The following YLPM1 variants were observed in gnomAD, a reference collection of about 807,000 sequenced individuals.
YLPM1 encodes the protein YLP motif containing 1, also known as YLP motif-containing protein 1.
Under a neutral mutation model 230.0 loss-of-function variants are expected in YLPM1, and 99 were observed. The ratio of observed to expected loss-of-function variants is 0.43; its 90% CI spans 0.37 to 0.51. The LOEUF is 0.51. Among genes scored for constraint, YLPM1 ranks in the 20% least tolerant of loss-of-function variants. The probability of loss-of-function intolerance (pLI) is 0.00; values close to 1 mark genes in which losing one functional copy is unlikely to be tolerated. For missense variants in YLPM1, 2,592 were observed against 2,707.7 expected (o/e 0.96, Z 0.95); for synonymous variants, 984 against 942.5 (o/e 1.04, Z -0.81).
chr14:74,822,867 T>C (rs1008634468), intron 17 of YLPM1, among the ~76,000 whole-genome samples: 13 of 152,106 alleles, frequency 8.5e-5, no homozygotes, highest in Non-Finnish European at 1.5e-5. Context: ...TAGGGGATCA[T>C]TGGTATGATA....
At chr14:74,783,382 C>T (rs1206146324) in intron 4 of YLPM1, among the ~76,000 whole-genome samples, 1 of 152,160 alleles carries the variant, frequency 6.6e-6, no homozygotes, top group Non-Finnish European at 1.5e-5. Context: ...CCACCACGCT[C>T]AGCCAGAAAA....
chr14:74,778,838 ATTTG>A (rs1048657978), intron 2 of YLPM1, among the ~76,000 whole-genome samples, 155 bp downstream of exon 2: 10 of 151,696 alleles, frequency 6.6e-5, no homozygotes, highest in Admixed American at 2.0e-4. Flanking sequence ...TATCAGGTTT[ATTTG>A]TTTGTTTATT....
At chr14:74,772,970 T>C (rs1297069142) in intron 1 of YLPM1, among the ~76,000 whole-genome samples, 2 of 152,200 alleles carry the variant, frequency 1.3e-5, no homozygotes, top group Non-Finnish European at 1.5e-5. Context: ...TTACTACTTA[T>C]AGGGTTCATA....
rs766659457 is a variant in YLPM1 at position 74,809,553 on chromosome 14, A to G, written c.4695A>G (p.Gln1565=). The change falls in exon 7 of 21, where the codon CAA becomes CAG. Residue 1565 remains glutamine (Q), a synonymous_variant. Coordinates refer to ENST00000325680, the MANE Select transcript of YLPM1 (RefSeq NM_019589.3). The part of the protein sequence containing the change: ...LPPPPPVIKP[Q]TSAVEQERWD... ...CTCCTCCTCCAGTGATAAAGCCACA[A>G]ACTTCAGCTGTAGAACAGGAACGAT... The G allele has an allele frequency of 6.2e-7, 1 of 1,604,118 alleles. No homozygotes were observed. The highest frequency in any genetic ancestry group is 1.3e-5 in the African/African-American group (1 of 74,808).
At position 74,804,368 on chromosome 14, in the gene YLPM1, G is replaced by C. The variant is rs144809007; in HGVS notation, c.4521+1692G>C. 4.4e-3 allele frequency among the ~76,000 whole-genome samples: 663 copies of C among 152,242 alleles called. 4 individuals are homozygous for C. The highest frequency in any genetic ancestry group is 9.7e-3 in the Admixed American group (148 of 15,288). On this transcript the variant is annotated intron_variant, in intron 6 of 20. Transcript: ENST00000325680. ...TTCAGGATGAAATTTAGAATCTCTT[G>C]CATGACTTTCTTGTTCTTCCTGAGC...
chr14:74,797,892 A>C lies in YLPM1; in HGVS notation c.2595A>C (p.Pro865=), dbSNP rs557213350. The part of the protein sequence containing the change: ...QAEPLSGNKE[P]LADTSSNQQK... ...AACCTCTTTCAGGAAACAAAGAACC[A>C]TTAGCAGACACCAGTAGTAACCAGC... Residue 865 remains proline, a synonymous_variant, in exon 5 of 21, where the codon CCA becomes CCC. Coordinates refer to ENST00000325680, the MANE Select transcript of YLPM1 (RefSeq NM_019589.3). The C allele has an allele frequency of 6.2e-7, 1 of 1,613,978 alleles. No individual in the cohort carries two copies. Among genetic ancestry groups the C allele is most frequent in the Non-Finnish European group, 8.5e-7 (1 of 1,179,890 alleles).
chr14:74,811,779 T>G, intron 10 of YLPM1, 41 bp downstream of exon 10: 2 of 1,349,840 alleles, frequency 1.5e-6, no homozygotes, highest in Non-Finnish European at 2.0e-6. Flanking sequence ...GTTGAGAATG[T>G]AAAGCATGGG....
At chr14:74,829,186 T>C in intron 18 of YLPM1, 27 bp from the exon 19 acceptor site, 1 of 1,611,966 alleles carries the variant, frequency 6.2e-7, no homozygotes, top group African/African-American at 1.3e-5. Context: ...TCTTCCTTAA[T>C]GCTACGGCTC....
Position 74,816,242 on chromosome 14 carries a change from A to G in YLPM1, c.5542A>G (p.Thr1848Ala). The change falls in exon 12 of 21, where the codon ACA becomes GCA. Residue 1848 changes from threonine (T) to alanine (A), a missense_variant. Coordinates refer to ENST00000325680, the MANE Select transcript of YLPM1 (RefSeq NM_019589.3). ...IMRGLPGSGK[T>A]HVAKLIRDKE... ...GAGAGGATTACCTGGCAGTGGAAAG[A>G]CACATGTTGCAAAACTTATTCGAGT... The G allele has an allele frequency of 1.2e-6, 2 of 1,612,048 alleles. No homozygotes were observed. Among genetic ancestry groups the G allele is most frequent in the East Asian group, 2.2e-5 (1 of 44,820 alleles).
intron 4 of YLPM1, among the ~76,000 whole-genome samples, chr14:74,789,993 A>C (rs1430740870): frequency 6.6e-6 from 1 of 151,804 alleles, no homozygotes; most frequent in East Asian, 1.9e-4. Flanking sequence ...CATAGGCCAT[A>C]GTTTGCTGAC....
intron 16 of YLPM1, among the ~76,000 whole-genome samples, chr14:74,818,952 G>C (rs544684379): frequency 6.6e-6 from 1 of 152,070 alleles, no homozygotes. Context: ...AAACATTAGC[G>C]GGAATGCTAC....
chr14:74,784,732 A>T (rs901523771), intron 4 of YLPM1, among the ~76,000 whole-genome samples: 1 of 152,256 alleles, frequency 6.6e-6, no homozygotes, highest in Non-Finnish European at 1.5e-5. Context: ...AGAATGAATT[A>T]TCCTATGCCT....
chr14:74,774,579 T>C (rs145270669), intron 1 of YLPM1, among the ~76,000 whole-genome samples: 348 of 152,314 alleles, frequency 2.3e-3, no homozygotes, highest in African/African-American at 8.0e-3. Flanking sequence ...TTAATTTTTT[T>C]ATATTTTTAG....
Position 74,763,370 on chromosome 14 carries a change from A to G in YLPM1, c.-120A>G. On this transcript the variant is annotated 5_prime_UTR_variant, in exon 1 of 21. Coordinates refer to ENST00000325680, the MANE Select transcript of YLPM1 (RefSeq NM_019589.3). ...GCCGGCGCACTGGCGCGCTCCGTTT[A>G]CACGCTCCGGGGCCTGTAGGCGCCG... 8.0e-7 allele frequency: 1 copy of G among 1,245,756 alleles called. No homozygotes were observed. 77.2% of individuals were successfully genotyped at this position (1,245,756 alleles called of 1,614,324 possible). A position where few individuals can be genotyped will look rare whatever the true frequency, so the allele number is the denominator to read the frequency against.
rs770799232 is a variant in YLPM1, at chr14:74,781,628, C to T, written c.1585C>T (p.Pro529Ser). The T allele has an allele frequency of 3.7e-6, 6 of 1,613,944 alleles. No individual in the cohort carries two copies. The African/African-American group carries it at 5.3e-5, about 14-fold the overall frequency. ...TGTTCCATATTCTCAGATGCCTCCA[C>T]CTCTACCTACAATGCCCCCTCCAGT... ...PFVPYSQMPP[P>S]LPTMPPPVLP... The change falls in exon 4 of 21, where the codon CCT becomes TCT. Residue 529 changes from proline (P) to serine (S), a missense_variant. Physicochemically the swap from Pro to Ser is moderately conservative, Grantham distance 74 (BLOSUM62 -1). Transcript: ENST00000325680.
At chr14:74,770,306 C>T (rs1158324485) in intron 1 of YLPM1, among the ~76,000 whole-genome samples, 1 of 150,300 alleles carries the variant, frequency 6.7e-6, no homozygotes, top group African/African-American at 2.5e-5. Flanking sequence ...CTAGCCTGGG[C>T]AACAGAGTGA....
chr14:74,821,038 T>TG lies in YLPM1; in HGVS notation c.6031-19_6031-18insG, dbSNP rs2140138002. 2 of 1,452,510 alleles carry TG rather than the reference T, an allele frequency of 1.4e-6. No individual in the cohort carries two copies. Among genetic ancestry groups the TG allele is most frequent in the African/African-American group, 2.9e-5 (2 of 69,156 alleles). The allele number at this position is 1,452,510 out of a possible 1,614,324, so 90.0% of individuals were successfully genotyped here. ...AATGTTAACTCAGTCTTTTTTTTTT[T>TG]TTTTAATGGTTGGTATAGGTAGAGA... On this transcript the variant is annotated intron_variant, in intron 16 of 20. Coordinates refer to ENST00000325680, the MANE Select transcript of YLPM1 (RefSeq NM_019589.3).
chr14:74,818,592 A>G (rs1277345741), intron 16 of YLPM1, among the ~76,000 whole-genome samples: 1 of 152,210 alleles, frequency 6.6e-6, no homozygotes, highest in Non-Finnish European at 1.5e-5. Flanking sequence ...TAAATACATC[A>G]GTAGGTATCT....
rs2091634623 is a variant in YLPM1 at position 74,835,195 on chromosome 14, C to T, written c.6295-70C>T. On this transcript the variant is annotated intron_variant, in intron 19 of 20. Coordinates refer to ENST00000325680, the MANE Select transcript of YLPM1 (RefSeq NM_019589.3). ...TGAGTCATTCTACCCCTTAGACTGT[C>T]CAGAGAGGGAGGGGGCTCTTTGCAT... 4 of 1,578,238 alleles carry T rather than the reference C, an allele frequency of 2.5e-6. No individual in the cohort carries two copies. In the African/African-American group the frequency reaches 4.1e-5, roughly 16 times the overall value.
Sources: gnomAD v4.1 joint callset for allele counts (sites outside exome capture counted in the v4.1 genomes callset) on GRCh38, gnomAD v4.1.1 for gene constraint, MANE v1.5 for transcripts, NCBI Gene and HGNC (gene_info 2026-07-23, HGNC 2026-07-21) for gene names.